RUBCN: variants seen among roughly 807,000 people sequenced by gnomAD.
RUBCN encodes rubicon autophagy regulator.
Under a neutral mutation model 113.2 loss-of-function variants are expected in RUBCN, and 74 were observed. The observed-to-expected ratio is 0.65, with a 90% CI of 0.54 to 0.79. RUBCN has a LOEUF of 0.79. Ranked by LOEUF, RUBCN falls within the 30% of genes least tolerant of loss-of-function variation. The pLI is 0.00. For synonymous variants in RUBCN, 480 were observed against 490.0 expected (o/e 0.98, Z 0.27); for missense variants, 1,109 against 1,251.7 (o/e 0.89, Z 1.72).
In RUBCN at chr3:197,673,976, G is replaced by A. The variant is rs1378148557; in HGVS notation, c.*1042C>T. On this transcript the variant is annotated 3_prime_UTR_variant, in exon 20 of 20. Coordinates refer to ENST00000296343, the MANE Select transcript of RUBCN (RefSeq NM_014687.4). Reference sequence around the variant, plus strand: ...GACTCGGCCACCAGGGAAGGACCCAGCTCTGCTGCAGGAAGGGGAGAGAAC... The same window carrying A: ...GACTCGGCCACCAGGGAAGGACCCAACTCTGCTGCAGGAAGGGGAGAGAAC... The A allele has an allele frequency of 6.6e-6, 1 of 152,366 alleles. No homozygotes were observed. The highest frequency in any genetic ancestry group is 1.5e-5 in the Non-Finnish European group (1 of 68,160). The allele number at this position is 152,366 out of a possible 1,614,324, so 9.4% of individuals were successfully genotyped here. A position where few individuals can be genotyped will look rare whatever the true frequency, so the allele number is the denominator to read the frequency against.
chr3:197,741,921 G>A (rs942204729), intron 1 of RUBCN, among the ~76,000 whole-genome samples: 10 of 150,986 alleles, frequency 6.6e-5, no homozygotes, highest in South Asian at 4.2e-4. Context: ...TTTTTGAGAC[G>A]GAGTCTCGCT....
intron 1 of RUBCN, among the ~76,000 whole-genome samples, chr3:197,744,416 G>C (rs1399965896): frequency 1.3e-5 from 2 of 152,154 alleles, no homozygotes; most frequent in African/African-American, 4.8e-5. Context: ...AAAACCTTTT[G>C]ATAATCTCTA....
upstream of RUBCN, among the ~76,000 whole-genome samples, chr3:197,738,311 T>G (rs981260370): frequency 6.6e-6 from 1 of 152,144 alleles, no homozygotes; most frequent in African/African-American, 2.4e-5. Flanking sequence ...TATAAAGGAC[T>G]GACTGTGGCA....
chr3:197,731,801 G>A (rs1427305701), intron 1 of RUBCN, among the ~76,000 whole-genome samples: 1 of 151,648 alleles, frequency 6.6e-6, no homozygotes, highest in East Asian at 1.9e-4. Context: ...GCGGGGGGCT[G>A]ACCCCCCCAC....
At chr3:197,690,413 G>A (rs1478169859) in intron 11 of RUBCN, among the ~76,000 whole-genome samples, 1 of 152,208 alleles carries the variant, frequency 6.6e-6, no homozygotes, top group Admixed American at 6.5e-5. Context: ...ACTCCAGCAT[G>A]GGCAACAAGA....
chr3:197,724,133 G>A (rs1726473657), intron 1 of RUBCN, among the ~76,000 whole-genome samples: 1 of 152,012 alleles, frequency 6.6e-6, no homozygotes, highest in African/African-American at 2.4e-5. Context: ...CCTTCTTCTG[G>A]GAGGATCTTG....
rs372417947 is a variant in RUBCN at position 197,701,797 on chromosome 3, G to C, written c.638C>G (p.Ser213Cys). Residue 213 changes from serine (S) to cysteine (C), a missense_variant, in exon 6 of 20, where the codon TCC (serine) becomes TGC (cysteine). Ser to Cys is a moderately radical substitution (Grantham distance 112, BLOSUM62 -1). Around this residue, in one of 3 missense-constraint regions of RUBCN, gnomAD observed 736 missense variants for 779.6 expected, o/e 0.94. Coordinates refer to ENST00000296343, the MANE Select transcript of RUBCN (RefSeq NM_014687.4). ...KSQSLTALPS[S>C]TYTPPNSYAQ... ...ATAGCTGTTTGGAGGGGTGTATGTGGAACTGGGCAGGGCTGTCAGGCTCTG... is the reference window on the plus strand; with the variant it reads ...ATAGCTGTTTGGAGGGGTGTATGTGCAACTGGGCAGGGCTGTCAGGCTCTG... 7 of 1,614,040 alleles carry C rather than the reference G, an allele frequency of 4.3e-6. No individual in the cohort carries two copies. The African/African-American group carries it at 6.7e-5, about 15-fold the overall frequency.
In RUBCN at chr3:197,703,538, TCCC is replaced by T. The variant is rs1350256809; in HGVS notation, c.570+7_570+9del. 1 of 1,585,770 alleles carries T rather than the reference TCCC, an allele frequency of 6.3e-7. No individual in the cohort carries two copies. The highest frequency in any genetic ancestry group is 1.3e-5 in the African/African-American group (1 of 74,138). On this transcript the variant is annotated splice_region_variant and intron_variant, in intron 5 of 19. Coordinates refer to ENST00000296343, the MANE Select transcript of RUBCN (RefSeq NM_014687.4). The stretch of plus-strand genomic sequence containing the variant: ...CAGCATAGACGTGGATAATTCCTTG[TCCC>T]CTGTACCATGGACGCATCGATCTGA...
At chr3:197,731,618 G>A (rs923788738) in intron 1 of RUBCN, among the ~76,000 whole-genome samples, 10 of 117,824 alleles carry the variant, frequency 8.5e-5, no homozygotes, top group South Asian at 2.6e-4. Context: ...CTGGCCGGGC[G>A]GGGCCTGACC....
At chr3:197,712,549 G>C (rs1258072821) in intron 2 of RUBCN, among the ~76,000 whole-genome samples, 5 of 152,134 alleles carry the variant, frequency 3.3e-5, no homozygotes, top group African/African-American at 1.2e-4. Flanking sequence ...TCTTGACGCA[G>C]ACTTTAATTC....
intron 1 of RUBCN, 68 bp downstream of exon 1, chr3:197,736,587 G>A: frequency 2.7e-6 from 4 of 1,467,304 alleles, no homozygotes; most frequent in East Asian, 2.5e-5. Context: ...GTGACCCCGC[G>A]CCCTCCCAAG....
chr3:197,725,520 C>CTTTTTTTTTTTTTTTTTTTTTTTTT (rs10718685), intron 1 of RUBCN, among the ~76,000 whole-genome samples: 1 of 75,316 alleles, frequency 1.3e-5, no homozygotes. Context: ...ACAGGAGAAT[C>CTTTTTTTTTTTTTTTTTTTTTTTTT]TTTTTTTTTT....
intron 16 of RUBCN, among the ~76,000 whole-genome samples, chr3:197,678,128 C>T (rs1257210547): frequency 6.3e-5 from 8 of 126,674 alleles, no homozygotes; most frequent in Admixed American, 5.9e-4. Context: ...CGCTCTAACT[C>T]GACACCTGGC....
At chr3:197,720,438 C>T (rs1726020339) in intron 1 of RUBCN, among the ~76,000 whole-genome samples, 1 of 151,928 alleles carries the variant, frequency 6.6e-6, no homozygotes, top group South Asian at 2.1e-4. Flanking sequence ...GACAGACTCT[C>T]ACTCTGTCGC....
chr3:197,703,388 ACT>A lies in RUBCN; in HGVS notation c.570+158_570+159del, dbSNP rs561812474. 8.5e-4 allele frequency among the ~76,000 whole-genome samples: 97 copies of A among 113,790 alleles called. 1 individual carries two copies. Among genetic ancestry groups the A allele is most frequent in the African/African-American group, 3.2e-3 (87 of 27,454 alleles). 74.7% of individuals were successfully genotyped at this position (113,790 alleles called of 152,430 possible). A position where few individuals can be genotyped will look rare whatever the true frequency, so the allele number is the denominator to read the frequency against. ...ACTCCAGCCTGGGAAACAGAGCGAG[ACT>A]CTGTCTCAAAAAAAAAAAAAAAAAA... On this transcript the variant is annotated intron_variant, in intron 5 of 19. Transcript: ENST00000296343.
At chr3:197,717,114 C>A (rs964574969) in intron 2 of RUBCN, among the ~76,000 whole-genome samples, 2 of 150,324 alleles carry the variant, frequency 1.3e-5, no homozygotes, top group Non-Finnish European at 3.0e-5. Context: ...GAGCGAGACC[C>A]CGTCTCAAAA....
Position 197,695,851 on chromosome 3 carries a change from C to T in RUBCN, c.1473+15G>A. On this transcript the variant is annotated intron_variant, in intron 9 of 19. Coordinates refer to ENST00000296343, the MANE Select transcript of RUBCN (RefSeq NM_014687.4). The stretch of plus-strand genomic sequence containing the variant: ...CCCAACTCATGAGCTCTTCATGAGG[C>T]CCTCGATTTCCCACCTTTTCCAGGT... 6.2e-7 allele frequency: 1 copy of T among 1,611,798 alleles called. No homozygotes were observed. The highest frequency in any genetic ancestry group is 8.5e-7 in the Non-Finnish European group (1 of 1,177,924).
rs180921647 is a variant in RUBCN, at chr3:197,692,081, G to A, written c.1786+1634C>T. ...GGGGGCTATCGAAAGAACCAACCAC[G>A]TCATTAGAGGGTTAGAGCTTTTACT... On this transcript the variant is annotated intron_variant, in intron 11 of 19. Transcript: ENST00000296343. 6.3e-4 allele frequency among the ~76,000 whole-genome samples: 96 copies of A among 152,086 alleles called. 1 individual carries two copies. The highest frequency in any genetic ancestry group is 3.8e-3 in the Admixed American group (58 of 15,272).
intron 1 of RUBCN, among the ~76,000 whole-genome samples, chr3:197,746,919 CT>C (rs1342026564): frequency 6.6e-6 from 1 of 151,808 alleles, no homozygotes; most frequent in East Asian, 1.9e-4. Flanking sequence ...GTGCATCCGT[CT>C]TGCTCACTTT....
Sources: allele counts gnomAD v4.1 joint callset (sites outside exome capture counted in the v4.1 genomes callset), GRCh38; gene constraint gnomAD v4.1.1; regional missense constraint gnomAD v4.1.1; transcripts MANE v1.5; gene names NCBI Gene and HGNC (gene_info 2026-07-23, HGNC 2026-07-21).